The following VPS26A variants were observed in gnomAD, a reference collection of about 807,000 sequenced individuals.
The protein encoded by VPS26A is vacuolar protein sorting-associated protein 26A.
VPS26A carries 22 observed loss-of-function variants against 42.4 expected under a neutral mutation model. The observed-to-expected ratio is 0.52, with a 90% CI of 0.37 to 0.74. The LOEUF (loss-of-function observed/expected upper bound fraction) is 0.74, where lower values mean the gene tolerates loss of function less well. VPS26A is among the 30% of genes least tolerant of loss of function. The pLI, the probability that VPS26A is intolerant of heterozygous loss-of-function variation, is 0.00. For missense variants in VPS26A, 276 were observed against 379.2 expected, an observed-to-expected ratio of 0.73 and a Z score of 2.26; for synonymous variants, 110 against 123.5, an observed-to-expected ratio of 0.89 and a Z score of 0.73.
chr10:69,157,946 G>A (rs1398573295), intron 4 of VPS26A, 101 bp from the exon 5 acceptor site: 1 of 1,076,446 alleles, frequency 9.3e-7, no homozygotes, highest in Non-Finnish European at 1.3e-6. Flanking sequence ...AGGAGTTCCA[G>A]CAAGGAGGAG....
chr10:69,149,246 A>G (rs1008523306), intron 2 of VPS26A, among the ~76,000 whole-genome samples: 1 of 152,200 alleles, frequency 6.6e-6, no homozygotes, highest in East Asian at 1.9e-4. Context: ...CTGGCATTGT[A>G]TGCTTCCTAA....
chr10:69,168,936 T>A (rs1407978980), intron 8 of VPS26A, among the ~76,000 whole-genome samples: 2 of 152,012 alleles, frequency 1.3e-5, no homozygotes, highest in African/African-American at 4.8e-5. Flanking sequence ...AATAAGGCAA[T>A]AAAGAACAAA....
chr10:69,131,223 G>C (rs965266916), intron 1 of VPS26A, among the ~76,000 whole-genome samples: 1 of 152,148 alleles, frequency 6.6e-6, no homozygotes, highest in Non-Finnish European at 1.5e-5. Context: ...CAAGTGATCT[G>C]CCTGCCTTGG....
At chr10:69,167,402 T>A (rs1452714266) in intron 7 of VPS26A, among the ~76,000 whole-genome samples, 2 of 146,054 alleles carry the variant, frequency 1.4e-5, no homozygotes, top group Non-Finnish European at 3.0e-5. Flanking sequence ...CCAGCCTGAA[T>A]GACAGAGGGA....
rs545057398 is a variant in VPS26A at position 69,148,945 on chromosome 10, A to G, written c.154-6867A>G. Among the ~76,000 whole-genome samples, 380 of 151,888 alleles carry G rather than the reference A, an allele frequency of 2.5e-3. 1 individual carries two copies. The highest frequency in any genetic ancestry group is 4.0e-3 in the Non-Finnish European group (274 of 67,946). Reference sequence around the variant, plus strand: ...TAATTGTTTTGTATTTTTAGTAGAGATGGGGTTTCACCGTGTTAGCCAGGA... The same window carrying G: ...TAATTGTTTTGTATTTTTAGTAGAGGTGGGGTTTCACCGTGTTAGCCAGGA... On this transcript the variant is annotated intron_variant, in intron 2 of 8. Transcript: ENST00000263559.
chr10:69,148,549 A>G (rs1841214207), intron 2 of VPS26A, among the ~76,000 whole-genome samples: 1 of 152,236 alleles, frequency 6.6e-6, no homozygotes, highest in Non-Finnish European at 1.5e-5. Context: ...ATATCCAGCA[A>G]CAATAATATA....
chr10:69,164,556 G>A (rs893772552), intron 6 of VPS26A, among the ~76,000 whole-genome samples: 3 of 151,938 alleles, frequency 2.0e-5, no homozygotes, highest in Admixed American at 6.6e-5. Flanking sequence ...AATTTCCCTC[G>A]TTTGTCTTGT....
At chr10:69,153,888 T>C (rs1449827723) in intron 2 of VPS26A, among the ~76,000 whole-genome samples, 3 of 152,182 alleles carry the variant, frequency 2.0e-5, no homozygotes, top group African/African-American at 7.2e-5. Context: ...CATCTTTCAA[T>C]AGTAGCCAGC....
At chr10:69,148,906 C>T (rs1841224382) in intron 2 of VPS26A, among the ~76,000 whole-genome samples, 1 of 151,982 alleles carries the variant, frequency 6.6e-6, no homozygotes, top group African/African-American at 2.4e-5. Context: ...CAGGTGCCCG[C>T]CACCACGCCC....
In VPS26A at chr10:69,124,234, G is replaced by A. The variant is rs745419130; in HGVS notation, c.-44G>A. ...GAGCCGGGGCTGGGAGTTCTCCTGA[G>A]GGAAGAGGAGTGGAGTAGGGGGGAC... On this transcript the variant is annotated 5_prime_UTR_variant, in exon 1 of 9. Transcript: ENST00000263559. 11 of 1,282,806 alleles carry A rather than the reference G, an allele frequency of 8.6e-6. No individual in the cohort carries two copies. The East Asian group carries it at 2.7e-4, about 31-fold the overall frequency. The allele number at this position is 1,282,806 out of a possible 1,614,324, so 79.5% of individuals were successfully genotyped here. A position where few individuals can be genotyped will look rare whatever the true frequency, so the allele number is the denominator to read the frequency against.
intron 5 of VPS26A, among the ~76,000 whole-genome samples, chr10:69,160,360 A>G (rs758091914): frequency 6.6e-6 from 1 of 151,704 alleles, no homozygotes; most frequent in Admixed American, 6.6e-5. Context: ...GGGTTTCACC[A>G]TGTTGGTCAG....
intron 1 of VPS26A, among the ~76,000 whole-genome samples, chr10:69,128,353 T>C (rs1377422279): frequency 6.6e-6 from 1 of 151,012 alleles, no homozygotes; most frequent in Non-Finnish European, 1.5e-5. Flanking sequence ...TGCCTCAGCC[T>C]CCCGCATAGC....
At chr10:69,157,499 G>C (rs1467834349) in intron 4 of VPS26A, among the ~76,000 whole-genome samples, 1 of 152,176 alleles carries the variant, frequency 6.6e-6, no homozygotes, top group African/African-American at 2.4e-5. Flanking sequence ...GTAATCTGGA[G>C]TACCAGAGAG....
intron 8 of VPS26A, among the ~76,000 whole-genome samples, chr10:69,169,486 A>G (rs1841767417): frequency 1.3e-5 from 2 of 152,018 alleles, no homozygotes; most frequent in African/African-American, 4.8e-5. Context: ...TTGTAGAGAC[A>G]GGGTTTTGCC....
intron 1 of VPS26A, among the ~76,000 whole-genome samples, chr10:69,128,475 C>G (rs955566745): frequency 7.2e-5 from 11 of 152,000 alleles, no homozygotes; most frequent in Admixed American, 5.2e-4. Context: ...TGTGATCCTC[C>G]TGCTTCGGCC....
At chr10:69,157,239 C>A in intron 4 of VPS26A, 76 bp downstream of exon 4, 1 of 1,456,550 alleles carries the variant, frequency 6.9e-7, no homozygotes, top group Non-Finnish European at 9.2e-7. Flanking sequence ...CTTATTTGAA[C>A]CTCTAATTAT....
chr10:69,163,651 T>C (rs1841611924), intron 6 of VPS26A, among the ~76,000 whole-genome samples: 1 of 152,214 alleles, frequency 6.6e-6, no homozygotes, highest in South Asian at 2.1e-4. Flanking sequence ...TGAGGTATAA[T>C]TGGCAAATAA....
chr10:69,171,012 G>C, intron 8 of VPS26A, 144 bp from the exon 9 acceptor site: 2 of 657,784 alleles, frequency 3.0e-6, no homozygotes, highest in South Asian at 4.0e-5. Context: ...AGAGCTGGAA[G>C]AAAGTGGAAA....
intron 5 of VPS26A, among the ~76,000 whole-genome samples, chr10:69,160,909 A>C (rs1023220542): frequency 1.5e-4 from 23 of 152,220 alleles, no homozygotes; most frequent in African/African-American, 5.5e-4. Context: ...CAGCAGACTC[A>C]ACCTATGTAG....
Sources: gnomAD v4.1 joint callset for allele counts (sites outside exome capture counted in the v4.1 genomes callset) on GRCh38, gnomAD v4.1.1 for gene constraint, MANE v1.5 for transcripts, NCBI Gene and HGNC (gene_info 2026-07-23, HGNC 2026-07-21) for gene names.